SNTB1: variants seen among roughly 807,000 people sequenced by gnomAD.
SNTB1 encodes beta-1-syntrophin.
In SNTB1, 36 loss-of-function variants were observed where a neutral mutation model predicts 48.9. The ratio of observed to expected loss-of-function variants is 0.74; its 90% CI spans 0.56 to 0.97. The LOEUF (loss-of-function observed/expected upper bound fraction) is 0.97. Ranked by LOEUF, SNTB1 falls within the 50% of genes least tolerant of loss-of-function variation. The probability of loss-of-function intolerance (pLI) is 0.00; values close to 1 mark genes in which losing one functional copy is unlikely to be tolerated. For missense variants in SNTB1, 786 were observed against 703.4 expected (o/e 1.12, Z -1.33); for synonymous variants, 299 against 294.6 (o/e 1.01, Z -0.15).
chr8:120,654,769 A>G (rs538620427), intron 2 of SNTB1: 1 of 282,630 alleles, frequency 3.5e-6, no homozygotes, highest in African/African-American at 2.3e-5. Context: ...AGCATCCTCT[A>G]CTTCCTCTGT....
chr8:120,609,748 G>C (rs995077998), intron 3 of SNTB1, among the ~76,000 whole-genome samples: 2 of 152,172 alleles, frequency 1.3e-5, no homozygotes, highest in African/African-American at 4.8e-5. Flanking sequence ...CTGCCTGAGA[G>C]GGGGAGAAAT....
intron 1 of SNTB1, among the ~76,000 whole-genome samples, chr8:120,779,449 G>C (rs1457487130): frequency 6.6e-6 from 1 of 152,162 alleles, no homozygotes; most frequent in African/African-American, 2.4e-5. Context: ...GCTGCAGTGA[G>C]CCCAGATTGT....
intron 5 of SNTB1, among the ~76,000 whole-genome samples, chr8:120,543,170 CTATT>C (rs2130644702): frequency 6.6e-6 from 1 of 152,284 alleles, no homozygotes; most frequent in South Asian, 2.1e-4. Context: ...ATCCTAATTC[CTATT>C]TAGGAAGACT....
At chr8:120,652,118 G>C (rs1817419607) in intron 2 of SNTB1, among the ~76,000 whole-genome samples, 1 of 152,164 alleles carries the variant, frequency 6.6e-6, no homozygotes. Flanking sequence ...CGGGCCATAG[G>C]ATAGAACTAT....
intron 1 of SNTB1, among the ~76,000 whole-genome samples, chr8:120,737,236 G>C (rs1197771557): frequency 3.3e-5 from 5 of 152,104 alleles, no homozygotes; most frequent in Non-Finnish European, 7.4e-5. Context: ...TTGCAAGGTA[G>C]GTATGTATTA....
chr8:120,540,034 T>C (rs1351366272), intron 6 of SNTB1, among the ~76,000 whole-genome samples: 2 of 152,172 alleles, frequency 1.3e-5, no homozygotes, highest in East Asian at 3.9e-4. Flanking sequence ...CAACATTCTA[T>C]GTCACTAACA....
intron 1 of SNTB1, among the ~76,000 whole-genome samples, chr8:120,715,257 G>A: frequency 6.6e-6 from 1 of 152,142 alleles, no homozygotes; most frequent in East Asian, 1.9e-4. Context: ...GCGTTTTTTG[G>A]TCTCATTAAG....
intron 2 of SNTB1, among the ~76,000 whole-genome samples, chr8:120,656,282 G>C (rs111420016): frequency 3.9e-5 from 6 of 152,180 alleles, no homozygotes; most frequent in African/African-American, 1.4e-4. Flanking sequence ...TTCAAAAACA[G>C]GTCATGCATG....
At chr8:120,777,411 G>C (rs1819753362) in intron 1 of SNTB1, among the ~76,000 whole-genome samples, 1 of 152,166 alleles carries the variant, frequency 6.6e-6, no homozygotes, top group East Asian at 1.9e-4. Context: ...GATAGCTATA[G>C]AGAGGAGAGC....
intron 1 of SNTB1, among the ~76,000 whole-genome samples, chr8:120,753,744 T>C (rs1819262191): frequency 6.6e-6 from 1 of 152,134 alleles, no homozygotes; most frequent in South Asian, 2.1e-4. Flanking sequence ...GGGAAGCAAA[T>C]AAATGCATAC....
chr8:120,668,917 C>T, intron 2 of SNTB1, among the ~76,000 whole-genome samples: 1 of 152,164 alleles, frequency 6.6e-6, no homozygotes, highest in East Asian at 1.9e-4. Context: ...ATTCCCATAA[C>T]CATAATAGAA....
In SNTB1 at chr8:120,811,971, G is replaced by C. The variant is rs1261620348; in HGVS notation, c.-128C>G. 12 of 1,273,890 alleles carry C rather than the reference G, an allele frequency of 9.4e-6. No individual in the cohort carries two copies. The highest frequency in any genetic ancestry group is 5.6e-5 in the South Asian group (2 of 35,868). 78.9% of individuals were successfully genotyped at this position (1,273,890 alleles called of 1,614,324 possible). On this transcript the variant is annotated 5_prime_UTR_variant, in exon 1 of 7. Transcript: ENST00000517992. Reference sequence around the variant, plus strand: ...GTCCCGCGGGGAGGTGGCGGCACGCGGGACTCCGCTCCGGGAGTTCGCAGA... The same window carrying C: ...GTCCCGCGGGGAGGTGGCGGCACGCCGGACTCCGCTCCGGGAGTTCGCAGA...
intron 1 of SNTB1, among the ~76,000 whole-genome samples, chr8:120,727,969 C>A (rs1369089746): frequency 6.6e-6 from 1 of 152,064 alleles, no homozygotes; most frequent in Non-Finnish European, 1.5e-5. Flanking sequence ...CTTCTCCCAC[C>A]CTTTCCCTCT....
At chr8:120,654,620 C>T (rs887447507) in intron 2 of SNTB1, among the ~76,000 whole-genome samples, 1 of 152,232 alleles carries the variant, frequency 6.6e-6, no homozygotes. Context: ...CAAGATGAGC[C>T]GTTTCGATCC....
intron 2 of SNTB1, among the ~76,000 whole-genome samples, chr8:120,634,890 C>T (rs564337372): frequency 6.9e-6 from 1 of 144,316 alleles, no homozygotes; most frequent in South Asian, 2.1e-4. Flanking sequence ...CTCGCTCTGT[C>T]GCCCAGGCTG....
chr8:120,695,967 A>G lies in SNTB1; in HGVS notation c.572-2059T>C, dbSNP rs74387411. 8.6e-3 allele frequency among the ~76,000 whole-genome samples: 1,311 copies of G among 152,318 alleles called. 16 individuals are homozygous for G. The highest frequency in any genetic ancestry group is 0.03 in the African/African-American group (1,250 of 41,550). On this transcript the variant is annotated intron_variant, in intron 1 of 6. Transcript: ENST00000517992. Reference sequence around the variant, plus strand: ...TTATTTATTTCTGGGCAAAATATTTAAAGAGGAACACAGACATACTCATGA... The same window carrying G: ...TTATTTATTTCTGGGCAAAATATTTGAAGAGGAACACAGACATACTCATGA...
At position 120,575,133 on chromosome 8, in the gene SNTB1, C is replaced by G; in HGVS notation, c.1089G>C (p.Lys363Asn). Residue 363 changes from lysine (K) to asparagine (N), a missense_variant, in exon 4 of 7, where the codon AAG (lysine) becomes AAC (asparagine). Lys to Asn is a moderately conservative substitution (Grantham distance 94). Coordinates refer to ENST00000517992, the MANE Select transcript of SNTB1 (RefSeq NM_021021.4). ...TGTGAACTGGGCTGAACCAGGCTTCCTTCCTCCGTGGCATGCTGTCATAGA... is the reference window on the plus strand; with the variant it reads ...TGTGAACTGGGCTGAACCAGGCTTCGTTCCTCCGTGGCATGCTGTCATAGA... ...LLIYDSMPRRKEAWFSPVHTY... is the reference protein window; with the variant it reads ...LLIYDSMPRRNEAWFSPVHTY... 6.2e-7 allele frequency: 1 copy of G among 1,614,158 alleles called. No homozygotes were observed. Among genetic ancestry groups the G allele is most frequent in the South Asian group, 1.1e-5 (1 of 91,074 alleles).
At chr8:120,576,547 C>A (rs2130688409) in intron 3 of SNTB1, among the ~76,000 whole-genome samples, 1 of 152,272 alleles carries the variant, frequency 6.6e-6, no homozygotes, top group African/African-American at 2.4e-5. Context: ...CTGCCTAAAT[C>A]TGAGTCTGTT....
intron 1 of SNTB1, among the ~76,000 whole-genome samples, chr8:120,809,770 A>C (rs1332477728): frequency 6.6e-6 from 1 of 152,152 alleles, no homozygotes; most frequent in Non-Finnish European, 1.5e-5. Flanking sequence ...TGTTATGTTA[A>C]TCATCAAGCC....
Sources: allele counts gnomAD v4.1 joint callset (sites outside exome capture counted in the v4.1 genomes callset), GRCh38; gene constraint gnomAD v4.1.1; transcripts MANE v1.5; gene names NCBI Gene and HGNC (gene_info 2026-07-23, HGNC 2026-07-21).